The following CTNNA3 variants were observed in gnomAD, a reference collection of about 807,000 sequenced individuals.
CTNNA3 encodes catenin alpha 3.
In CTNNA3, 76 loss-of-function variants were observed where a neutral mutation model predicts 95.7. That is an observed-to-expected ratio of 0.79 (90% CI 0.66 to 0.96). CTNNA3 has a LOEUF of 0.96. Among genes scored for constraint, CTNNA3 ranks in the 40% least tolerant of loss-of-function variants. The pLI, the probability that CTNNA3 is intolerant of heterozygous loss-of-function variation, is 0.00. For missense variants in CTNNA3, 1,191 were observed against 1,089.8 expected (o/e 1.09, Z -1.31); for synonymous variants, 431 against 374.4 (o/e 1.15, Z -1.74).
intron 7 of CTNNA3, among the ~76,000 whole-genome samples, chr10:67,138,861 T>C (rs935648547): frequency 1.3e-5 from 2 of 152,152 alleles, no homozygotes; most frequent in African/African-American, 4.8e-5. Context: ...TTAAATTTCC[T>C]AAGTCATCCA....
chr10:67,280,771 C>T (rs184453781), intron 5 of CTNNA3, among the ~76,000 whole-genome samples: 1 of 152,262 alleles, frequency 6.6e-6, no homozygotes, highest in East Asian at 1.9e-4. Context: ...CCCTAAAAAT[C>T]ATTTACAATC....
At chr10:67,482,575 C>T (rs893259497) in intron 5 of CTNNA3, among the ~76,000 whole-genome samples, 2 of 152,134 alleles carry the variant, frequency 1.3e-5, no homozygotes, top group East Asian at 3.8e-4. Flanking sequence ...TATAAGAATG[C>T]TTGCGATTTT....
At chr10:67,125,944 C>T (rs899242942) in intron 7 of CTNNA3, among the ~76,000 whole-genome samples, 1 of 152,092 alleles carries the variant, frequency 6.6e-6, no homozygotes, top group African/African-American at 2.4e-5. Context: ...CCCCAATATG[C>T]CCTTTTTAAG....
At position 66,867,427 on chromosome 10, in the gene CTNNA3, A is replaced by T. The variant is rs1408339565; in HGVS notation, c.1048-91903T>A. 2.6e-5 allele frequency among the ~76,000 whole-genome samples: 4 copies of T among 151,762 alleles called. No individual in the cohort carries two copies. The East Asian group carries it at 5.8e-4, about 22-fold the overall frequency. On this transcript the variant is annotated intron_variant, in intron 7 of 17. Transcript: ENST00000433211. ...AAGCTCTTAATTGCATATTGTCCTC[A>T]CATTTGCAAATGGGAAATAAGGCAC...
intron 13 of CTNNA3, among the ~76,000 whole-genome samples, chr10:66,114,967 A>T (rs1369599195): frequency 6.6e-6 from 1 of 152,062 alleles, no homozygotes; most frequent in Non-Finnish European, 1.5e-5. Context: ...ATTATAAGTG[A>T]CTTTTCCTCT....
At chr10:65,968,735 C>G (rs1664728844) in intron 16 of CTNNA3, among the ~76,000 whole-genome samples, 1 of 152,236 alleles carries the variant, frequency 6.6e-6, no homozygotes, top group Admixed American at 6.5e-5. Context: ...GATCACCCAG[C>G]ATCTGGAGTA....
intron 7 of CTNNA3, among the ~76,000 whole-genome samples, chr10:66,789,818 C>T (rs1315722098): frequency 1.3e-5 from 2 of 152,228 alleles, no homozygotes; most frequent in African/African-American, 4.8e-5. Flanking sequence ...CCAGCACTCC[C>T]CTGCATGGAC....
intron 7 of CTNNA3, among the ~76,000 whole-genome samples, chr10:66,780,239 T>A (rs1209882495): frequency 6.6e-6 from 1 of 152,020 alleles, no homozygotes; most frequent in African/African-American, 2.4e-5. Flanking sequence ...AATCAGTCCA[T>A]TATATCAAAC....
chr10:66,065,793 A>G (rs2080301372), intron 15 of CTNNA3, among the ~76,000 whole-genome samples: 1 of 152,108 alleles, frequency 6.6e-6, no homozygotes, highest in African/African-American at 2.4e-5. Flanking sequence ...AATTATTTAT[A>G]CTATTTTATG....
intron 13 of CTNNA3, among the ~76,000 whole-genome samples, chr10:66,276,826 GT>G (rs2091408324): frequency 6.8e-6 from 1 of 147,048 alleles, no homozygotes; most frequent in Non-Finnish European, 1.5e-5. Flanking sequence ...ATAGCCTATT[GT>G]TTATTAAGCA....
chr10:66,457,761 A>G (rs1056338783), intron 11 of CTNNA3, among the ~76,000 whole-genome samples: 2 of 152,094 alleles, frequency 1.3e-5, no homozygotes, highest in African/African-American at 2.4e-5. Flanking sequence ...AATAGCGAGT[A>G]ATGTGATGAT....
chr10:66,934,565 A>G (rs1847586567), intron 7 of CTNNA3, among the ~76,000 whole-genome samples: 1 of 152,164 alleles, frequency 6.6e-6, no homozygotes. Context: ...ATGATTTGCA[A>G]TTGAAAAAAC....
chr10:67,305,584 ATGTGAAT>A (rs1052079141), intron 5 of CTNNA3, among the ~76,000 whole-genome samples: 1 of 151,988 alleles, frequency 6.6e-6, no homozygotes, highest in Non-Finnish European at 1.5e-5. Context: ...AAAGGTCACA[ATGTGAAT>A]TGTAAAAAAA....
In CTNNA3 at chr10:66,484,668, C is replaced by G. The variant is rs145699744; in HGVS notation, c.1531+35949G>C. 5.9e-3 allele frequency among the ~76,000 whole-genome samples: 901 copies of G among 152,016 alleles called. 16 individuals carry two copies. Among genetic ancestry groups the G allele is most frequent in the Non-Finnish European group, 6.3e-3 (429 of 67,906 alleles). ...GACTACAACATGATGAACTGCAACTCCTTTAAATCAGTAACCGAAAACCTC... is the reference window on the plus strand; with the variant it reads ...GACTACAACATGATGAACTGCAACTGCTTTAAATCAGTAACCGAAAACCTC... On this transcript the variant is annotated intron_variant, in intron 11 of 17. Transcript: ENST00000433211.
intron 1 of CTNNA3, among the ~76,000 whole-genome samples, chr10:67,683,892 A>C (rs1163268705): frequency 6.7e-6 from 1 of 150,300 alleles, no homozygotes; most frequent in Non-Finnish European, 1.5e-5. Flanking sequence ...GTTCCTCCCG[A>C]TGGGTTCACG....
intron 5 of CTNNA3, among the ~76,000 whole-genome samples, chr10:67,328,938 A>T (rs1472224494): frequency 6.6e-6 from 1 of 152,222 alleles, no homozygotes; most frequent in South Asian, 2.1e-4. Flanking sequence ...TTTTCATTGT[A>T]CCATAAATGT....
intron 7 of CTNNA3, among the ~76,000 whole-genome samples, chr10:66,906,746 T>C (rs944860804): frequency 7.9e-5 from 12 of 152,048 alleles, no homozygotes; most frequent in African/African-American, 2.7e-4. Context: ...AGTAGAATGA[T>C]AGCATTATAG....
chr10:66,338,104 A>G (rs2092415128), intron 12 of CTNNA3, among the ~76,000 whole-genome samples: 1 of 152,048 alleles, frequency 6.6e-6, no homozygotes, highest in Non-Finnish European at 1.5e-5. Flanking sequence ...TGCACAATGG[A>G]CTATTATTCA....
chr10:67,680,825 A>T (rs1370241697), intron 1 of CTNNA3, among the ~76,000 whole-genome samples: 3 of 152,234 alleles, frequency 2.0e-5, no homozygotes, highest in Non-Finnish European at 4.4e-5. Flanking sequence ...TGAAGAAATA[A>T]ATCCAAAAGA....
Sources: gnomAD v4.1 joint callset for allele counts (sites outside exome capture counted in the v4.1 genomes callset) on GRCh38, gnomAD v4.1.1 for gene constraint, MANE v1.5 for transcripts, NCBI Gene and HGNC (gene_info 2026-07-23, HGNC 2026-07-21) for gene names.